The following WWC2 variants were observed in gnomAD, a reference collection of about 807,000 sequenced individuals.
WWC2 encodes WW and C2 domain containing 2.
WWC2 carries 101 observed loss-of-function variants against 138.5 expected under a neutral mutation model. That is an observed-to-expected ratio of 0.73 (90% CI 0.62 to 0.86). The LOEUF (loss-of-function observed/expected upper bound fraction) is 0.86, where lower values mean the gene tolerates loss of function less well. Ranked by LOEUF, WWC2 falls within the 40% of genes least tolerant of loss-of-function variation. The pLI is 0.00. For missense variants in WWC2, 1,420 were observed against 1,419.4 expected (o/e 1.00, Z -0.01); for synonymous variants, 558 against 538.4 (o/e 1.04, Z -0.50).
intron 1 of WWC2, among the ~76,000 whole-genome samples, chr4:183,181,920 A>G (rs574806820): frequency 3.9e-5 from 6 of 152,364 alleles, no homozygotes; most frequent in Admixed American, 1.3e-4. Flanking sequence ...ATGAGAATCT[A>G]TTAACTGTTT....
At chr4:183,261,594 G>T in intron 11 of WWC2, 62 bp downstream of exon 11, 2 of 1,490,960 alleles carry the variant, frequency 1.3e-6, no homozygotes, top group African/African-American at 2.8e-5. Flanking sequence ...AATGATTGGA[G>T]CATTATTTTT....
intron 16 of WWC2, among the ~76,000 whole-genome samples, chr4:183,280,043 C>T (rs1738011808): frequency 6.6e-6 from 1 of 151,954 alleles, no homozygotes; most frequent in Non-Finnish European, 1.5e-5. Context: ...TAATGAAATA[C>T]TGGATGTTAC....
chr4:183,248,677 GTT>G, intron 6 of WWC2, 35 bp from the exon 7 acceptor site: 1 of 1,536,142 alleles, frequency 6.5e-7, no homozygotes, highest in Non-Finnish European at 8.8e-7. Flanking sequence ...TGTCTTACTT[GTT>G]AAGCTTTATG....
At chr4:183,112,831 A>C (rs1021079149) in intron 1 of WWC2, among the ~76,000 whole-genome samples, 2 of 152,166 alleles carry the variant, frequency 1.3e-5, no homozygotes, top group Non-Finnish European at 2.9e-5. Context: ...TATGAGGATA[A>C]GAAGGAGCCA....
At chr4:183,290,724 A>T (rs1738420282) in intron 21 of WWC2, among the ~76,000 whole-genome samples, 1 of 152,242 alleles carries the variant, frequency 6.6e-6, no homozygotes, top group South Asian at 2.1e-4. Context: ...AATATTACAA[A>T]TGCCAAAACA....
At chr4:183,123,999 G>A (rs1374625269) in intron 1 of WWC2, among the ~76,000 whole-genome samples, 5 of 152,040 alleles carry the variant, frequency 3.3e-5, no homozygotes, top group Non-Finnish European at 5.9e-5. Context: ...TCTTCTCCAT[G>A]TTTTGGAACA....
rs1737494109 is a variant in WWC2, at chr4:183,266,031, TCATCAA to T, written c.2207+81_2207+86del. 3 of 1,301,510 alleles carry T rather than the reference TCATCAA, an allele frequency of 2.3e-6. No individual in the cohort carries two copies. In the East Asian group the frequency reaches 7.5e-5, roughly 32 times the overall value. 80.6% of individuals were successfully genotyped at this position (1,301,510 alleles called of 1,614,324 possible). A position where few individuals can be genotyped will look rare whatever the true frequency, so the allele number is the denominator to read the frequency against. On this transcript the variant is annotated intron_variant, in intron 14 of 22. Coordinates refer to ENST00000403733, the MANE Select transcript of WWC2 (RefSeq NM_024949.6). ...GAATTTTACACTGTAATCATACAGT[TCATCAA>T]AATGAAGATACGGAAAAGACATAGC...
intron 12 of WWC2, 148 bp downstream of exon 12, chr4:183,265,255 T>C: frequency 8.6e-7 from 1 of 1,158,068 alleles, no homozygotes; most frequent in Non-Finnish European, 1.2e-6. Context: ...GCCTGAAAAG[T>C]TCAGTATATC....
At chr4:183,190,284 A>G (rs1734955525) in intron 1 of WWC2, among the ~76,000 whole-genome samples, 1 of 152,196 alleles carries the variant, frequency 6.6e-6, no homozygotes, top group Non-Finnish European at 1.5e-5. Flanking sequence ...CTTGTGCACA[A>G]CAAGAGGAAG....
chr4:183,201,972 A>T (rs973713072), intron 2 of WWC2, among the ~76,000 whole-genome samples: 1 of 152,184 alleles, frequency 6.6e-6, no homozygotes. Flanking sequence ...GGGGCATACT[A>T]CACCATTCTG....
At chr4:183,190,570 T>G (rs1292106968) in intron 1 of WWC2, among the ~76,000 whole-genome samples, 1 of 152,204 alleles carries the variant, frequency 6.6e-6, no homozygotes, top group Non-Finnish European at 1.5e-5. Context: ...TACTTATTGA[T>G]AGAGTGCAGA....
At chr4:183,135,945 A>C (rs1733098273) in intron 1 of WWC2, among the ~76,000 whole-genome samples, 1 of 151,740 alleles carries the variant, frequency 6.6e-6, no homozygotes, top group Non-Finnish European at 1.5e-5. Context: ...CCTTTAAATG[A>C]GTTTTCTATT....
chr4:183,249,326 G>C (rs572049421), intron 7 of WWC2, among the ~76,000 whole-genome samples: 1 of 152,172 alleles, frequency 6.6e-6, no homozygotes, highest in South Asian at 2.1e-4. Flanking sequence ...ATTTAATGTG[G>C]CTTGGCTATT....
intron 1 of WWC2, among the ~76,000 whole-genome samples, chr4:183,151,073 C>T (rs1396458391): frequency 6.6e-6 from 1 of 152,132 alleles, no homozygotes; most frequent in Non-Finnish European, 1.5e-5. Context: ...ATTGCTGGGT[C>T]AAATGGTATT....
At chr4:183,232,992 T>G (rs1002218067) in intron 4 of WWC2, among the ~76,000 whole-genome samples, 1 of 152,132 alleles carries the variant, frequency 6.6e-6, no homozygotes, top group African/African-American at 2.4e-5. Context: ...ATTGTTTTTT[T>G]GCCACTTTTT....
intron 2 of WWC2, among the ~76,000 whole-genome samples, chr4:183,202,340 C>A (rs1735324667): frequency 6.6e-6 from 1 of 151,904 alleles, no homozygotes; most frequent in Admixed American, 6.6e-5. Context: ...TTAAATTAGC[C>A]CTGGGAGGGG....
intron 4 of WWC2, among the ~76,000 whole-genome samples, chr4:183,218,497 A>C (rs994867701): frequency 1.3e-5 from 2 of 152,214 alleles, no homozygotes; most frequent in Non-Finnish European, 2.9e-5. Context: ...ATATATATCT[A>C]TATAGATTTT....
At chr4:183,253,549 A>G in intron 8 of WWC2, among the ~76,000 whole-genome samples, 1 of 152,066 alleles carries the variant, frequency 6.6e-6, no homozygotes, top group East Asian at 1.9e-4. Context: ...GAAGTGGGTG[A>G]CAGCTGAGTG....
At chr4:183,105,072 C>A (rs1743308667) in intron 1 of WWC2, among the ~76,000 whole-genome samples, 2 of 152,076 alleles carry the variant, frequency 1.3e-5, no homozygotes, top group Admixed American at 6.6e-5. Flanking sequence ...CTGTACCCGG[C>A]TAATTTTTGT....
Sources: gnomAD v4.1 joint callset for allele counts (sites outside exome capture counted in the v4.1 genomes callset) on GRCh38, gnomAD v4.1.1 for gene constraint, MANE v1.5 for transcripts, NCBI Gene and HGNC (gene_info 2026-07-23, HGNC 2026-07-21) for gene names.